The following KCNN2 variants were observed in gnomAD, a reference collection of about 807,000 sequenced individuals.
The protein encoded by KCNN2 is small conductance calcium-activated potassium channel protein 2.
A neutral mutation model predicts 55.5 loss-of-function variants in KCNN2; 24 were observed. That is an observed-to-expected ratio of 0.43 (90% CI 0.31 to 0.61). KCNN2 has a LOEUF of 0.61. KCNN2 is among the 20% of genes least tolerant of loss of function. The probability of loss-of-function intolerance (pLI) is 0.08; values close to 1 mark genes in which losing one functional copy is unlikely to be tolerated. For synonymous variants in KCNN2, 431 were observed against 336.1 expected (o/e 1.28, Z -3.09); for missense variants, 754 against 853.6 (o/e 0.88, Z 1.45).
At chr5:114,145,066 A>G (rs1752370111) in intron 1 of KCNN2, among the ~76,000 whole-genome samples, 1 of 152,192 alleles carries the variant, frequency 6.6e-6, no homozygotes, top group Non-Finnish European at 1.5e-5. Flanking sequence ...AATCTCCATA[A>G]TTCTGAATGT....
At chr5:114,471,501 A>G (rs1280969120) in intron 4 of KCNN2, among the ~76,000 whole-genome samples, 2 of 152,248 alleles carry the variant, frequency 1.3e-5, no homozygotes, top group South Asian at 2.1e-4. Context: ...ACCCATGGAT[A>G]TAGAGATTCA....
intron 1 of KCNN2, among the ~76,000 whole-genome samples, chr5:114,058,099 T>C (rs1750249266): frequency 6.6e-6 from 1 of 152,164 alleles, no homozygotes; most frequent in African/African-American, 2.4e-5. Context: ...AAGACATGCA[T>C]GTGAATATGC....
At chr5:114,310,543 A>C (rs1242393477) in intron 2 of KCNN2, among the ~76,000 whole-genome samples, 1 of 152,156 alleles carries the variant, frequency 6.6e-6, no homozygotes, top group Non-Finnish European at 1.5e-5. Context: ...GTTCTGGGGG[A>C]CTGTGCAGGA....
intron 2 of KCNN2, among the ~76,000 whole-genome samples, chr5:114,340,919 A>C (rs1424848876): frequency 6.6e-6 from 1 of 152,170 alleles, no homozygotes; most frequent in Non-Finnish European, 1.5e-5. Context: ...TTCCACATAT[A>C]AGTAAGGTCA....
At chr5:114,434,552 T>C (rs1175890183) in intron 3 of KCNN2, among the ~76,000 whole-genome samples, 1 of 152,224 alleles carries the variant, frequency 6.6e-6, no homozygotes, top group Non-Finnish European at 1.5e-5. Context: ...AGATATAAGA[T>C]ACTGGGTAAA....
intron 3 of KCNN2, among the ~76,000 whole-genome samples, chr5:114,447,127 C>G (rs759534430): frequency 6.6e-6 from 1 of 152,116 alleles, no homozygotes; most frequent in African/African-American, 2.4e-5. Context: ...GCTTCCAGGT[C>G]AGATATTTCC....
intron 3 of KCNN2, among the ~76,000 whole-genome samples, chr5:114,417,621 G>A (rs1424378016): frequency 3.3e-5 from 5 of 152,110 alleles, no homozygotes; most frequent in African/African-American, 1.2e-4. Flanking sequence ...TAGTTGGGTG[G>A]TAAAAGGGAT....
In KCNN2 at chr5:114,247,574, T is replaced by G. The variant is rs969245936; in HGVS notation, c.-185+26009T>G. 7.9e-5 allele frequency among the ~76,000 whole-genome samples: 12 copies of G among 152,342 alleles called. 1 individual carries two copies. The highest frequency in any genetic ancestry group is 2.6e-4 in the African/African-American group (11 of 41,580). Reference sequence around the variant, plus strand: ...AGTAGATTAAGTATCCACTTTCAACTTACTTATCAAATATTAGATCAACTA... The same window carrying G: ...AGTAGATTAAGTATCCACTTTCAACGTACTTATCAAATATTAGATCAACTA... On this transcript the variant is annotated intron_variant, in intron 2 of 10. Coordinates refer to the KCNN2 transcript ENST00000512097.
At chr5:114,486,066 A>T (rs1474660065) in intron 5 of KCNN2, among the ~76,000 whole-genome samples, 1 of 152,194 alleles carries the variant, frequency 6.6e-6, no homozygotes, top group Non-Finnish European at 1.5e-5. Context: ...TCAAGTACGT[A>T]GAACCCGGTT....
intron 2 of KCNN2, among the ~76,000 whole-genome samples, chr5:114,236,071 T>C (rs1367936148): frequency 6.6e-6 from 1 of 152,224 alleles, no homozygotes; most frequent in African/African-American, 2.4e-5. Flanking sequence ...ATATGTATTG[T>C]ATATGTATAT....
chr5:114,263,094 C>A (rs1293347438), intron 2 of KCNN2, among the ~76,000 whole-genome samples: 1 of 152,112 alleles, frequency 6.6e-6, no homozygotes, highest in East Asian at 1.9e-4. Context: ...CTTCTTAACC[C>A]ACCCCACCTT....
chr5:114,226,200 T>C (rs780956839), intron 2 of KCNN2, among the ~76,000 whole-genome samples: 2 of 152,222 alleles, frequency 1.3e-5, no homozygotes, highest in Admixed American at 6.5e-5. Flanking sequence ...TTAAATGTTC[T>C]TAAAATGCAG....
chr5:114,136,869 T>C (rs1424956354), intron 1 of KCNN2, among the ~76,000 whole-genome samples: 1 of 152,186 alleles, frequency 6.6e-6, no homozygotes, highest in Non-Finnish European at 1.5e-5. Context: ...GTTTGCTTTA[T>C]ATGTTTTCTA....
At chr5:114,203,059 A>G (rs1287141142) in intron 1 of KCNN2, among the ~76,000 whole-genome samples, 1 of 152,128 alleles carries the variant, frequency 6.6e-6, no homozygotes, top group Non-Finnish European at 1.5e-5. Context: ...GCCATTACAC[A>G]TTTGCCCTGC....
chr5:114,102,128 A>G (rs1751384848), intron 1 of KCNN2, among the ~76,000 whole-genome samples: 1 of 152,142 alleles, frequency 6.6e-6, no homozygotes, highest in African/African-American at 2.4e-5. Context: ...TGCCATTGTA[A>G]CTGGCATGAG....
chr5:114,191,463 C>G (rs568487061), intron 1 of KCNN2, among the ~76,000 whole-genome samples: 10 of 152,136 alleles, frequency 6.6e-5, no homozygotes, highest in Non-Finnish European at 1.0e-4. Context: ...AGTAAGAGGT[C>G]TCCTTGCAAC....
intron 3 of KCNN2, among the ~76,000 whole-genome samples, chr5:114,427,933 T>C (rs1451474206): frequency 6.6e-6 from 1 of 152,208 alleles, no homozygotes; most frequent in Non-Finnish European, 1.5e-5. Context: ...TTTACTGTGC[T>C]TCTATTTCTT....
At chr5:114,272,335 C>T (rs1010246406) in intron 2 of KCNN2, among the ~76,000 whole-genome samples, 6 of 124,288 alleles carry the variant, frequency 4.8e-5, no homozygotes, top group South Asian at 2.9e-4. Flanking sequence ...TGTACATATA[C>T]ACACATATAT....
intron 2 of KCNN2, among the ~76,000 whole-genome samples, chr5:114,374,273 A>G (rs1396739027): frequency 6.6e-6 from 1 of 152,158 alleles, no homozygotes; most frequent in Non-Finnish European, 1.5e-5. Flanking sequence ...AAAAGTAAGC[A>G]AGGGGAATAA....
Sources: allele counts gnomAD v4.1 joint callset (sites outside exome capture counted in the v4.1 genomes callset), GRCh38; gene constraint gnomAD v4.1.1; transcripts MANE v1.5; gene names NCBI Gene and HGNC (gene_info 2026-07-23, HGNC 2026-07-21).